Variants in CPED1 observed in about 807,000 individuals in gnomAD.
CPED1 encodes cadherin like and PC-esterase domain containing 1, also known as cadherin-like and PC-esterase domain-containing protein 1.
In CPED1, 114 loss-of-function variants were observed where a neutral mutation model predicts 128.2. The observed-to-expected ratio is 0.89, with a 90% confidence interval of 0.76 to 1.04. CPED1 has a LOEUF of 1.04. Ranked by LOEUF, CPED1 falls within the 50% of genes least tolerant of loss-of-function variation. The probability of loss-of-function intolerance (pLI) is 0.00; values close to 1 mark genes in which losing one functional copy is unlikely to be tolerated. For synonymous variants in CPED1, 462 were observed against 426.7 expected, an observed-to-expected ratio of 1.08 and a Z score of -1.02; for missense variants, 1,211 against 1,207.1, an observed-to-expected ratio of 1.00 and a Z score of -0.05.
Position 121,295,752 on chromosome 7 carries a change from AC to A in CPED1, c.*102del. The A allele has an allele frequency of 1.1e-6, 1 of 911,618 alleles. No homozygotes were observed. Among genetic ancestry groups the A allele is most frequent in the Non-Finnish European group, 1.7e-6 (1 of 572,402 alleles). 56.5% of individuals were successfully genotyped at this position (911,618 alleles called of 1,614,324 possible). On this transcript the variant is annotated 3_prime_UTR_variant, in exon 23 of 23. Coordinates refer to ENST00000310396, the MANE Select transcript of CPED1 (RefSeq NM_024913.5). ...TGCACATCGCACACATTTGGGATCG[AC>A]CACACACACTTGTGCACACCAGCAC...
chr7:121,012,024 T>G (rs1241431363), intron 2 of CPED1, among the ~76,000 whole-genome samples: 1 of 152,216 alleles, frequency 6.6e-6, no homozygotes, highest in Admixed American at 6.5e-5. Context: ...GATTTGTTAC[T>G]TCATTTACAC....
chr7:121,240,765 T>TAAATAAAAAAA (rs1554452608), intron 17 of CPED1, among the ~76,000 whole-genome samples: 3 of 93,788 alleles, frequency 3.2e-5, no homozygotes, highest in Non-Finnish European at 5.9e-5. Flanking sequence ...CCTCTTCTGT[T>TAAATAAAAAAA]AAAAAAAAAA....
At chr7:121,133,522 G>A (rs1205772297) in intron 12 of CPED1, among the ~76,000 whole-genome samples, 1 of 152,028 alleles carries the variant, frequency 6.6e-6, no homozygotes, top group Non-Finnish European at 1.5e-5. Flanking sequence ...CAATAAGAAT[G>A]TGTATTCTTG....
chr7:121,251,560 G>A (rs976645299), intron 18 of CPED1, among the ~76,000 whole-genome samples: 20 of 152,162 alleles, frequency 1.3e-4, no homozygotes, highest in Admixed American at 5.2e-4. Context: ...TGTATATCTA[G>A]AAAACCCAAT....
At chr7:121,277,588 T>C (rs1206363288) in intron 22 of CPED1, among the ~76,000 whole-genome samples, 2 of 152,070 alleles carry the variant, frequency 1.3e-5, no homozygotes, top group East Asian at 1.9e-4. Flanking sequence ...TTCTTTCCCA[T>C]CTTAATCCAC....
chr7:121,156,010 AT>A lies in CPED1; in HGVS notation c.2055+13870del, dbSNP rs541493313. Reference sequence around the variant, plus strand: ...ACTCAAACAACTCAATAGCAAAAAAATAAATCTGATTTTAAAATGAGTAAAA... The same window carrying A: ...ACTCAAACAACTCAATAGCAAAAAAAAAATCTGATTTTAAAATGAGTAAAA... On this transcript the variant is annotated intron_variant, in intron 16 of 22. Coordinates refer to ENST00000310396, the MANE Select transcript of CPED1 (RefSeq NM_024913.5). Among the ~76,000 whole-genome samples the A allele has an allele frequency of 2.0e-4, 30 of 152,360 alleles. 1 individual carries two copies. The highest frequency in any genetic ancestry group is 3.4e-3 in the Middle Eastern group (1 of 294).
At chr7:121,014,574 TAATAA>T (rs1792253650) in intron 2 of CPED1, among the ~76,000 whole-genome samples, 1 of 130,074 alleles carries the variant, frequency 7.7e-6, no homozygotes, top group African/African-American at 2.6e-5. Flanking sequence ...ATAATAATAA[TAATAA>T]AATAAAATAA....
intron 17 of CPED1, among the ~76,000 whole-genome samples, chr7:121,240,718 C>A (rs1236351484): frequency 7.5e-6 from 1 of 132,550 alleles, no homozygotes; most frequent in Non-Finnish European, 1.5e-5. Context: ...ACAGCATGAT[C>A]CCACTTCTGT....
At chr7:121,280,641 AAC>A (rs903387330) in intron 22 of CPED1, among the ~76,000 whole-genome samples, 2 of 152,230 alleles carry the variant, frequency 1.3e-5, no homozygotes, top group African/African-American at 2.4e-5. Context: ...CTTCAATCAA[AAC>A]ACAGTTTATT....
At chr7:121,052,013 A>T (rs991714935) in intron 4 of CPED1, 7 of 152,350 alleles carry the variant, frequency 4.6e-5, no homozygotes, top group African/African-American at 1.7e-4. Flanking sequence ...AAAAAAAAAA[A>T]GCTTTCCCAT....
At chr7:121,118,598 C>T (rs142775973) in intron 7 of CPED1, among the ~76,000 whole-genome samples, 316 of 150,800 alleles carry the variant, frequency 2.1e-3, no homozygotes, top group South Asian at 0.019. Flanking sequence ...AAAAAAAAAC[C>T]ATATCTATCT....
rs1796272149 is a variant in CPED1, at chr7:120,989,423, G to GA, written c.-199_-198insA. On this transcript the variant is annotated 5_prime_UTR_variant, in exon 2 of 23. An upstream open reading frame in the 5' UTR loses its in-frame stop. Transcript: ENST00000310396. ...ACTTTTGACTGTCATCCATGGAAGA[G>GA]CTCTTATTAAAAGCCTCAGACTTTC... 1 of 597,470 alleles carries GA rather than the reference G, an allele frequency of 1.7e-6. No individual in the cohort carries two copies. The highest frequency in any genetic ancestry group is 1.9e-5 in the African/African-American group (1 of 53,640). The allele number at this position is 597,470 out of a possible 1,614,324, so 37.0% of individuals were successfully genotyped here. A position where few individuals can be genotyped will look rare whatever the true frequency, so the allele number is the denominator to read the frequency against.
In CPED1 at chr7:121,269,968, G is replaced by A. The variant is rs575045608; in HGVS notation, c.2722-1316G>A. Among the ~76,000 whole-genome samples, 7 of 152,208 alleles carry A rather than the reference G, an allele frequency of 4.6e-5. No homozygotes were observed. In the South Asian group the frequency reaches 6.2e-4, roughly 14 times the overall value. ...CAGAAGGCTAAGGGAGAGCAAGTGT[G>A]TCACATGACGAGAGTGACATAATGA... On this transcript the variant is annotated intron_variant, in intron 21 of 22. Transcript: ENST00000310396.
At chr7:121,178,806 G>T (rs940266526) in intron 16 of CPED1, among the ~76,000 whole-genome samples, 7 of 152,068 alleles carry the variant, frequency 4.6e-5, no homozygotes, top group African/African-American at 1.4e-4. Flanking sequence ...TAAGGTACAG[G>T]TAGGTCATGT....
chr7:121,294,357 T>C (rs141022269), intron 22 of CPED1, among the ~76,000 whole-genome samples: 22 of 152,280 alleles, frequency 1.4e-4, no homozygotes, highest in African/African-American at 5.3e-4. Flanking sequence ...TTATAACTTA[T>C]GCATGATGCT....
At chr7:121,141,499 T>A (rs1490294064) in intron 15 of CPED1, among the ~76,000 whole-genome samples, 1 of 152,026 alleles carries the variant, frequency 6.6e-6, no homozygotes, top group Non-Finnish European at 1.5e-5. Flanking sequence ...AAGAAGATAC[T>A]CATGGTTCCA....
intron 16 of CPED1, 38 bp downstream of exon 16, chr7:121,142,179 G>GT: frequency 1.3e-6 from 2 of 1,532,718 alleles, no homozygotes; most frequent in Non-Finnish European, 8.9e-7. Flanking sequence ...GTTGAATTGG[G>GT]AATGATCTGT....
At chr7:121,076,355 A>T (rs905191502) in intron 5 of CPED1, among the ~76,000 whole-genome samples, 1 of 152,198 alleles carries the variant, frequency 6.6e-6, no homozygotes, top group Non-Finnish European at 1.5e-5. Context: ...ACTAGTTTTA[A>T]TATTGTCCAT....
At chr7:121,227,200 C>CT (rs988167134) in intron 16 of CPED1, among the ~76,000 whole-genome samples, 13 of 152,002 alleles carry the variant, frequency 8.6e-5, no homozygotes, top group African/African-American at 3.1e-4. Context: ...ATGTTCTCCC[C>CT]TTTTTTCTCT....
Sources: allele counts gnomAD v4.1 joint callset (sites outside exome capture counted in the v4.1 genomes callset), GRCh38; gene constraint gnomAD v4.1.1; transcripts MANE v1.5; gene names NCBI Gene and HGNC (gene_info 2026-07-23, HGNC 2026-07-21).